SOX5: variants seen among roughly 807,000 people sequenced by gnomAD.
SOX5 encodes the protein SRY-box transcription factor 5, also known as transcription factor SOX-5.
Under a neutral mutation model 92.0 loss-of-function variants are expected in SOX5, and 9 were observed. The ratio of observed to expected loss-of-function variants is 0.10; its 90% CI spans 0.06 to 0.17. The LOEUF (loss-of-function observed/expected upper bound fraction) is 0.17. SOX5 is among the 10% of genes least tolerant of loss of function. The pLI is 1.00. For missense variants in SOX5, 642 were observed against 944.5 expected (o/e 0.68, Z 4.20); for synonymous variants, 344 against 336.3 (o/e 1.02, Z -0.25).
chr12:24,120,165 T>G (rs117659213), intron 4 of SOX5, among the ~76,000 whole-genome samples: 1 of 152,314 alleles, frequency 6.6e-6, no homozygotes, highest in East Asian at 1.9e-4. Context: ...ATGTATGTAT[T>G]TCTGTTGGAT....
At chr12:24,032,695 C>A (rs1476857040) in intron 4 of SOX5, among the ~76,000 whole-genome samples, 1 of 151,904 alleles carries the variant, frequency 6.6e-6, no homozygotes, top group Non-Finnish European at 1.5e-5. Flanking sequence ...AACTACTAAA[C>A]TCGGTGGGAA....
chr12:24,034,416 T>G (rs766479342), intron 4 of SOX5, among the ~76,000 whole-genome samples: 2 of 151,916 alleles, frequency 1.3e-5, no homozygotes, highest in African/African-American at 2.4e-5. Flanking sequence ...CTTTCCTGAG[T>G]GAGTTACAAT....
At chr12:23,839,412 C>T (rs1443540974) in intron 3 of SOX5, among the ~76,000 whole-genome samples, 1 of 152,134 alleles carries the variant, frequency 6.6e-6, no homozygotes, top group African/African-American at 2.4e-5. Context: ...AAAGCTGGTT[C>T]TTGGTAGACC....
chr12:23,827,769 T>C (rs2096255370), intron 3 of SOX5, among the ~76,000 whole-genome samples: 1 of 152,202 alleles, frequency 6.6e-6, no homozygotes, highest in Non-Finnish European at 1.5e-5. Flanking sequence ...AAGAAAGGGA[T>C]AAAAAGCAGA....
At chr12:24,373,231 A>T (rs1423998249) in intron 1 of SOX5, among the ~76,000 whole-genome samples, 2 of 152,172 alleles carry the variant, frequency 1.3e-5, no homozygotes, top group Non-Finnish European at 2.9e-5. Context: ...TTTTTCTAGA[A>T]TATGTTTAGA....
intron 4 of SOX5, among the ~76,000 whole-genome samples, chr12:24,031,374 T>TA (rs34129181): frequency 6.6e-6 from 1 of 151,558 alleles, no homozygotes; most frequent in South Asian, 2.1e-4. Context: ...ATTTGACCAT[T>TA]AAAAAAAGAA....
intron 2 of SOX5, among the ~76,000 whole-genome samples, chr12:24,330,204 C>T (rs1951147764): frequency 6.6e-6 from 1 of 151,864 alleles, no homozygotes; most frequent in Non-Finnish European, 1.5e-5. Context: ...AAATTTCTGC[C>T]AAGTAAAATT....
At chr12:23,566,243 G>T (rs1947062045) in intron 10 of SOX5, among the ~76,000 whole-genome samples, 1 of 152,084 alleles carries the variant, frequency 6.6e-6, no homozygotes, top group African/African-American at 2.4e-5. Flanking sequence ...CTTTAACCTT[G>T]TTTTGCCCTC....
chr12:24,283,636 G>C (rs1239532038), intron 2 of SOX5, among the ~76,000 whole-genome samples: 1 of 152,168 alleles, frequency 6.6e-6, no homozygotes, highest in African/African-American at 2.4e-5. Context: ...TCAGTATAAA[G>C]ATGCATTCCA....
intron 1 of SOX5, among the ~76,000 whole-genome samples, chr12:23,924,063 C>T (rs964103648): frequency 1.4e-4 from 21 of 152,144 alleles, no homozygotes; most frequent in African/African-American, 5.1e-4. Flanking sequence ...ACCTTTTCCA[C>T]AAATGTTGCC....
chr12:24,002,404 T>C (rs1951696698), intron 4 of SOX5, among the ~76,000 whole-genome samples: 1 of 151,972 alleles, frequency 6.6e-6, no homozygotes, highest in Non-Finnish European at 1.5e-5. Context: ...CTTATAGAAA[T>C]ACAAAGATGT....
At chr12:24,034,570 A>T (rs368305245) in intron 4 of SOX5, among the ~76,000 whole-genome samples, 1 of 144,126 alleles carries the variant, frequency 6.9e-6, no homozygotes, top group African/African-American at 2.6e-5. Flanking sequence ...GCTCGGGAGG[A>T]TTTTTTTTTT....
At chr12:24,208,922 G>C (rs530515088) in intron 4 of SOX5, among the ~76,000 whole-genome samples, 1 of 152,124 alleles carries the variant, frequency 6.6e-6, no homozygotes, top group Admixed American at 6.5e-5. Flanking sequence ...GCATGATAAC[G>C]GTTATTGATG....
At chr12:24,236,060 C>T (rs767587472) in intron 3 of SOX5, among the ~76,000 whole-genome samples, 10 of 151,936 alleles carry the variant, frequency 6.6e-5, no homozygotes, top group South Asian at 2.1e-4. Context: ...GGCGTGGTGG[C>T]GGGCACCTGT....
At chr12:24,006,004 T>G (rs1260703103) in intron 4 of SOX5, among the ~76,000 whole-genome samples, 2 of 152,202 alleles carry the variant, frequency 1.3e-5, no homozygotes, top group African/African-American at 4.8e-5. Flanking sequence ...GTTTTTGCAT[T>G]GATACCCAAT....
chr12:24,438,036 T>C (rs904676312), intron 1 of SOX5, among the ~76,000 whole-genome samples: 1 of 152,184 alleles, frequency 6.6e-6, no homozygotes, highest in Non-Finnish European at 1.5e-5. Flanking sequence ...CCAACCCAAA[T>C]GCCCATCAAT....
intron 9 of SOX5, among the ~76,000 whole-genome samples, chr12:23,577,600 CT>C (rs1488359201): frequency 5.9e-5 from 9 of 151,380 alleles, no homozygotes; most frequent in Non-Finnish European, 7.4e-5. Context: ...AAAAAGTTAC[CT>C]TTGTAATAGA....
intron 4 of SOX5, among the ~76,000 whole-genome samples, chr12:23,998,110 C>A (rs1951212403): frequency 6.6e-6 from 1 of 151,982 alleles, no homozygotes; most frequent in African/African-American, 2.4e-5. Flanking sequence ...TTATGAGGGA[C>A]CCCAGGTGTC....
intron 4 of SOX5, among the ~76,000 whole-genome samples, chr12:24,208,802 T>C (rs1958287185): frequency 6.6e-6 from 1 of 152,192 alleles, no homozygotes; most frequent in Admixed American, 6.5e-5. Context: ...GGGAAGATAG[T>C]CCTTCAAAAA....
Sources: allele counts gnomAD v4.1 joint callset (sites outside exome capture counted in the v4.1 genomes callset), GRCh38; gene constraint gnomAD v4.1.1; transcripts MANE v1.5; gene names NCBI Gene and HGNC (gene_info 2026-07-23, HGNC 2026-07-21).